CDH13: variants seen among roughly 807,000 people sequenced by gnomAD.
CDH13 encodes cadherin 13.
Under a neutral mutation model 63.8 loss-of-function variants are expected in CDH13, and 24 were observed. That is an observed-to-expected ratio of 0.38 (90% CI 0.27 to 0.53). The LOEUF (loss-of-function observed/expected upper bound fraction) is 0.53, where lower values mean the gene tolerates loss of function less well. Among genes scored for constraint, CDH13 ranks in the 20% least tolerant of loss-of-function variants. CDH13 has a pLI of 0.85. For missense variants in CDH13, 1,049 were observed against 903.1 expected, an observed-to-expected ratio of 1.16 and a Z score of -2.07; for synonymous variants, 503 against 355.3, an observed-to-expected ratio of 1.42 and a Z score of -4.67.
At chr16:83,059,789 G>GTTTTTTTTTTTT (rs1256608391) in intron 3 of CDH13, among the ~76,000 whole-genome samples, 7 of 98,752 alleles carry the variant, frequency 7.1e-5, no homozygotes, top group African/African-American at 1.9e-4. Flanking sequence ...TTTTTTTTTT[G>GTTTTTTTTTTTT]TTTGTTTTTT....
chr16:82,746,389 C>T (rs1214225628), intron 1 of CDH13, among the ~76,000 whole-genome samples: 1 of 151,840 alleles, frequency 6.6e-6, no homozygotes, highest in Admixed American at 6.6e-5. Context: ...ACCTGAGATG[C>T]TTTTATCATT....
At chr16:83,116,654 T>G (rs182908801) in intron 3 of CDH13, among the ~76,000 whole-genome samples, 266 of 152,256 alleles carry the variant, frequency 1.7e-3, no homozygotes, top group African/African-American at 6.2e-3. Flanking sequence ...GGGCATGAGG[T>G]TTCATTTAAG....
chr16:83,337,172 A>G (rs78188627), intron 5 of CDH13, among the ~76,000 whole-genome samples: 2,105 of 152,264 alleles, frequency 0.014, 50 homozygotes, highest in African/African-American at 0.047. Context: ...TGGCTTGAAG[A>G]ATCATTGTTT....
chr16:82,860,386 T>G (rs113119971), intron 2 of CDH13, among the ~76,000 whole-genome samples: 3,327 of 29,348 alleles, frequency 0.11, 63 homozygotes, highest in Non-Finnish European at 0.13. Flanking sequence ...TGTGTGTGTG[T>G]GTGGGGGGGG....
chr16:83,315,510 G>C (rs530113845), intron 5 of CDH13, among the ~76,000 whole-genome samples: 4 of 152,240 alleles, frequency 2.6e-5, no homozygotes, highest in South Asian at 2.1e-4. Flanking sequence ...AACTGGTGAT[G>C]ATATTGTCTG....
intron 3 of CDH13, among the ~76,000 whole-genome samples, chr16:83,044,518 C>T (rs779342928): frequency 3.9e-5 from 6 of 152,162 alleles, no homozygotes; most frequent in Non-Finnish European, 7.4e-5. Flanking sequence ...GGAAACAGCA[C>T]GAGGTGTCTA....
At position 82,627,082 on chromosome 16, in the gene CDH13, A is replaced by G. The variant is rs897351934; in HGVS notation, c.-11A>G. The G allele has an allele frequency of 6.3e-7, 1 of 1,597,732 alleles. No homozygotes were observed. The highest frequency in any genetic ancestry group is 1.3e-5 in the African/African-American group (1 of 74,590). ...AATGAAAACGCCGCCGGGCGCTTCT[A>G]GTCGGACAAAATGCAGCCGAGAACT... On this transcript the variant is annotated 5_prime_UTR_variant, in exon 1 of 14. An upstream open reading frame in the 5' UTR loses its in-frame stop. Coordinates refer to ENST00000567109, the MANE Select transcript of CDH13 (RefSeq NM_001257.5).
chr16:83,066,324 G>A (rs1170217217), intron 3 of CDH13, among the ~76,000 whole-genome samples: 2 of 152,166 alleles, frequency 1.3e-5, no homozygotes, highest in Non-Finnish European at 2.9e-5. Flanking sequence ...GGATAGTCTT[G>A]AGAGAGCTGC....
chr16:82,638,776 G>A (rs958407653), intron 1 of CDH13, among the ~76,000 whole-genome samples: 1 of 114,912 alleles, frequency 8.7e-6, no homozygotes, highest in Non-Finnish European at 2.1e-5. Context: ...TCTTCTTAAT[G>A]TGTCTGCCCA....
chr16:82,818,407 AG>A lies in CDH13; in HGVS notation c.46-39953del, dbSNP rs397855123. ...GAGAGCAAAGCAACAACAAGAAAGA[AG>A]GAACCCTAAGTATGTTCATCGAGCT... On this transcript the variant is annotated intron_variant, in intron 1 of 13. Transcript: ENST00000567109. Among the ~76,000 whole-genome samples the A allele has an allele frequency of 2.0e-3, 300 of 152,342 alleles. 3 individuals are homozygous for A. Among genetic ancestry groups the A allele is most frequent in the African/African-American group, 6.8e-3 (282 of 41,582 alleles).
intron 1 of CDH13, among the ~76,000 whole-genome samples, chr16:82,814,278 G>C (rs1448430873): frequency 6.6e-6 from 1 of 152,078 alleles, no homozygotes; most frequent in Non-Finnish European, 1.5e-5. Flanking sequence ...TGGCTGATAG[G>C]AGCATCTTTT....
At chr16:82,671,789 C>G (rs1913274080) in intron 1 of CDH13, among the ~76,000 whole-genome samples, 1 of 151,982 alleles carries the variant, frequency 6.6e-6, no homozygotes, top group Non-Finnish European at 1.5e-5. Context: ...GTTCTTTGGG[C>G]TTCTTTTCTA....
At chr16:83,558,044 A>G (rs557417330) in intron 7 of CDH13, among the ~76,000 whole-genome samples, 2 of 152,254 alleles carry the variant, frequency 1.3e-5, no homozygotes, top group African/African-American at 4.8e-5. Flanking sequence ...CTTTATATAA[A>G]AAGGGCACCC....
intron 6 of CDH13, among the ~76,000 whole-genome samples, chr16:83,423,437 A>T (rs546181878): frequency 2.6e-5 from 4 of 152,190 alleles, no homozygotes; most frequent in Admixed American, 2.0e-4. Context: ...AATTCCAGGA[A>T]TCCTTGATCT....
chr16:83,336,897 C>G (rs879869495), intron 5 of CDH13, among the ~76,000 whole-genome samples: 2 of 152,136 alleles, frequency 1.3e-5, no homozygotes, highest in Non-Finnish European at 2.9e-5. Flanking sequence ...GGCCTTCACC[C>G]AAGAAACCTT....
At chr16:83,754,965 A>C (rs1162832093) in intron 11 of CDH13, among the ~76,000 whole-genome samples, 1 of 152,204 alleles carries the variant, frequency 6.6e-6, no homozygotes, top group Non-Finnish European at 1.5e-5. Context: ...TTTTATAAAA[A>C]TTACTTGACC....
chr16:82,668,928 T>G (rs1912921077), intron 1 of CDH13, among the ~76,000 whole-genome samples: 1 of 152,208 alleles, frequency 6.6e-6, no homozygotes, highest in Non-Finnish European at 1.5e-5. Context: ...CTGTGTAAAG[T>G]GAAGATGACA....
intron 1 of CDH13, among the ~76,000 whole-genome samples, chr16:82,645,065 G>A (rs535913288): frequency 3.5e-4 from 54 of 152,264 alleles, no homozygotes; most frequent in African/African-American, 1.3e-3. Context: ...AAACCCCTGA[G>A]GTTAAGGAAA....
At chr16:83,180,601 G>A (rs2038311685) in intron 4 of CDH13, among the ~76,000 whole-genome samples, 1 of 152,192 alleles carries the variant, frequency 6.6e-6, no homozygotes. Context: ...TGTTTGAAGT[G>A]TGTGCTTTGT....
Sources: gnomAD v4.1 joint callset for allele counts (sites outside exome capture counted in the v4.1 genomes callset) on GRCh38, gnomAD v4.1.1 for gene constraint, MANE v1.5 for transcripts, NCBI Gene and HGNC (gene_info 2026-07-23, HGNC 2026-07-21) for gene names.